The following RNF213 variants were observed in gnomAD, a reference collection of about 807,000 sequenced individuals.
The protein encoded by RNF213 is ring finger protein 213.
Under a neutral mutation model 514.4 loss-of-function variants are expected in RNF213, and 341 were observed. That is an observed-to-expected ratio of 0.66 (90% CI 0.61 to 0.73). RNF213 has a LOEUF of 0.73. Among genes scored for constraint, RNF213 ranks in the 30% least tolerant of loss-of-function variants. RNF213 has a pLI of 0.00. For missense variants in RNF213, 5,767 were observed against 6,615.6 expected (o/e 0.87, Z 4.45); for synonymous variants, 2,655 against 2,658.2 (o/e 1.00, Z 0.04).
rs960605242 is a variant in RNF213 at position 80,383,901 on chromosome 17, G to A, written c.14295G>A (p.Val4765=). 1 of 1,614,164 alleles carries A rather than the reference G, an allele frequency of 6.2e-7. No homozygotes were observed. The highest frequency in any genetic ancestry group is 1.1e-5 in the South Asian group (1 of 91,072). Residue 4765 remains valine (V), a synonymous_variant, in exon 59 of 68, where the codon GTG becomes GTA. Transcript: ENST00000582970. ...IVEQKNGKER[V]PILWHFLQKE... ...AACAGAAAAATGGCAAAGAAAGAGT[G>A]CCCATCCTCTGGCATTTCCTGCAGA...
At position 80,364,359 on chromosome 17, in the gene RNF213, C is replaced by T; in HGVS notation, c.11751-74C>T. On this transcript the variant is annotated intron_variant, in intron 41 of 67. Transcript: ENST00000582970. ...CCGGGTCCCGCATCTCTTCTCCCGT[C>T]TCCCTCCTCGTTTCACCCTTGGGTT... is the stretch of plus-strand genomic sequence containing the variant. 1.9e-6 allele frequency: 3 copies of T among 1,608,946 alleles called. No individual in the cohort carries two copies. The Admixed American group carries it at 5.0e-5, about 27-fold the overall frequency.
At chr17:80,364,651 T>C (rs1180344033) in intron 42 of RNF213, 98 bp downstream of exon 42, 2 of 1,488,420 alleles carry the variant, frequency 1.3e-6, no homozygotes, top group African/African-American at 2.8e-5. Flanking sequence ...GACGCTCTTT[T>C]GGCTCTGACC....
chr17:80,393,472 C>A lies in RNF213; in HGVS notation c.15598C>A (p.Leu5200Met). ...CVSVWKTAAV[L>M]KWNREMR ...CTCAGTGTGGAAAACAGCTGCTGTG[C>A]TGAAATGGAATCGAGAAATGAGATA... The change falls in exon 68 of 68, where the codon CTG (leucine) becomes ATG (methionine). Residue 5200 changes from leucine to methionine, a missense_variant. Coordinates refer to ENST00000582970, the MANE Select transcript of RNF213 (RefSeq NM_001256071.3). The A allele has an allele frequency of 6.2e-7, 1 of 1,614,172 alleles. No homozygotes were observed. The highest frequency in any genetic ancestry group is 8.5e-7 in the Non-Finnish European group (1 of 1,180,032).
intron 17 of RNF213, chr17:80,320,854 G>C (rs773494889): frequency 1.3e-5 from 2 of 152,174 alleles, no homozygotes; most frequent in African/African-American, 4.8e-5. Flanking sequence ...AGGCATGGCC[G>C]GGCACACCTG....
chr17:80,315,577 A>AGGTGGTGGT (rs1430383574), intron 15 of RNF213: 2 of 926 alleles, frequency 2.2e-3, no homozygotes, highest in Non-Finnish European at 2.3e-3. Flanking sequence ...GAGGTAATGG[A>AGGTGGTGGT]GGTGATGGTG....
At chr17:80,374,226 G>A (rs918035644) in intron 49 of RNF213, among the ~76,000 whole-genome samples, 4 of 152,230 alleles carry the variant, frequency 2.6e-5, no homozygotes, top group African/African-American at 9.7e-5. Context: ...ACCTCCCCAG[G>A]TAGCGCTGCC....
At chr17:80,272,234 A>G (rs1233727557) in intron 2 of RNF213, among the ~76,000 whole-genome samples, 1 of 152,314 alleles carries the variant, frequency 6.6e-6, no homozygotes, top group East Asian at 1.9e-4. Flanking sequence ...CAGTGAGCCA[A>G]GATTGTGCCT....
rs1002269284 is a variant in RNF213, at chr17:80,347,378, A to G, written c.9043A>G (p.Met3015Val). ...CAAGTGCTCAGAGGAAGTCAGCCCC[A>G]TGCAGCTGATCAAACAGAACATCTT... ...EAKCSEEVSP[M>V]QLIKQNIFGP... The change falls in exon 29 of 68, where the codon ATG becomes GTG. Residue 3015 changes from methionine to valine, a missense_variant. Physicochemically the swap from Met to Val is conservative, Grantham distance 21. Coordinates refer to ENST00000582970, the MANE Select transcript of RNF213 (RefSeq NM_001256071.3). The surrounding 1 kb of genome is among the most constrained non-coding windows in gnomAD (Gnocchi z 7.2). The G allele has an allele frequency of 1.2e-6, 2 of 1,613,946 alleles. No homozygotes were observed. The highest frequency in any genetic ancestry group is 1.7e-6 in the Non-Finnish European group (2 of 1,180,026).
In RNF213 at chr17:80,307,628, C is replaced by A. The variant is rs143603857; in HGVS notation, c.2501+427C>A. ...GCAATGGCACCATCTTGGCTCACTG[C>A]AACCTCTGCTTCCCAGGTTCAAGTG... On this transcript the variant is annotated intron_variant, in intron 13 of 67. Transcript: ENST00000582970. 5.3e-4 allele frequency among the ~76,000 whole-genome samples: 80 copies of A among 151,096 alleles called. No individual in the cohort carries two copies. In the East Asian group the frequency reaches 0.015, roughly 28 times the overall value.
chr17:80,339,644 A>G lies in RNF213; in HGVS notation c.5277A>G (p.Arg1759=). 6.5e-7 allele frequency: 1 copy of G among 1,537,014 alleles called. No individual in the cohort carries two copies. Among genetic ancestry groups the G allele is most frequent in the Non-Finnish European group, 8.7e-7 (1 of 1,146,842 alleles). ...GSEAARYRMR[R]VMEELPLMLL... is the part of the protein sequence containing the mutation. Reference sequence around the variant, plus strand: ...AGGCCGCCAGGTACCGCATGAGGAGAGTCATGGAAGAGCTCCCGCTGATGC... The same window carrying G: ...AGGCCGCCAGGTACCGCATGAGGAGGGTCATGGAAGAGCTCCCGCTGATGC... The change falls in exon 26 of 68, where the codon AGA becomes AGG. Residue 1759 remains arginine (R), a synonymous_variant. Coordinates refer to ENST00000582970, the MANE Select transcript of RNF213 (RefSeq NM_001256071.3).
At chr17:80,312,775 C>T (rs535567724) in intron 14 of RNF213, among the ~76,000 whole-genome samples, 9 of 152,292 alleles carry the variant, frequency 5.9e-5, no homozygotes, top group South Asian at 4.1e-4. Context: ...ACACAGATGC[C>T]GTTCCCTCCC....
chr17:80,337,238 G>T (rs981380667), intron 23 of RNF213, among the ~76,000 whole-genome samples: 7 of 152,224 alleles, frequency 4.6e-5, no homozygotes, highest in African/African-American at 1.7e-4. Flanking sequence ...TCTGCATTGG[G>T]GACCTGGCAG....
At chr17:80,335,914 T>C (rs904730174) in intron 22 of RNF213, among the ~76,000 whole-genome samples, 1 of 150,622 alleles carries the variant, frequency 6.6e-6, no homozygotes, top group Non-Finnish European at 1.5e-5. Context: ...AAGGTGGAGG[T>C]TGCAGTGAGC....
At chr17:80,342,752 A>G (rs553429843) in intron 26 of RNF213, among the ~76,000 whole-genome samples, 1 of 146,122 alleles carries the variant, frequency 6.8e-6, no homozygotes, top group African/African-American at 2.5e-5. Flanking sequence ...TATTGTATGT[A>G]TATATATATT....
Position 80,346,345 on chromosome 17 carries a change from C to G in RNF213, c.8010C>G (p.Ser2670Arg). 1 of 1,613,686 alleles carries G rather than the reference C, an allele frequency of 6.2e-7. No individual in the cohort carries two copies. Among genetic ancestry groups the G allele is most frequent in the Non-Finnish European group, 8.5e-7 (1 of 1,180,020 alleles). ...TGAATGCCTTTCTCTCCAAGTCCAG[C>G]GTCAGCAAAAATCACACCGAGAGAG... ...AQLNAFLSKSSVSKNHTERDP... is the reference protein window; with the variant it reads ...AQLNAFLSKSRVSKNHTERDP... Residue 2670 changes from serine to arginine, a missense_variant, in exon 29 of 68, where the codon AGC (serine) becomes AGG (arginine). Coordinates refer to ENST00000582970, the MANE Select transcript of RNF213 (RefSeq NM_001256071.3). This position sits in a 1 kb window ranked among gnomAD's most constrained non-coding sequence, Gnocchi z 8.1.
chr17:80,347,973 G>T lies in RNF213; in HGVS notation c.9638G>T (p.Ser3213Ile). The change falls in exon 29 of 68, where the codon AGC becomes ATC. Residue 3213 changes from serine (S) to isoleucine (I), a missense_variant. Around this residue, in one of 13 missense-constraint regions of RNF213, gnomAD observed 919 missense variants for 1,121.0 expected, o/e 0.82. Coordinates refer to ENST00000582970, the MANE Select transcript of RNF213 (RefSeq NM_001256071.3). This position sits in a 1 kb window ranked among gnomAD's most constrained non-coding sequence, Gnocchi z 7.2. Reference protein sequence around the residue: ...AHHFQKRHKYSPSDVFIGYHS... With the variant: ...AHHFQKRHKYIPSDVFIGYHS... ...CATTTCCAGAAGAGGCACAAATACA[G>T]CCCCTCTGACGTCTTCATCGGCTAC... The T allele has an allele frequency of 6.2e-7, 1 of 1,614,104 alleles. No homozygotes were observed. Among genetic ancestry groups the T allele is most frequent in the Non-Finnish European group, 8.5e-7 (1 of 1,179,936 alleles).
intron 3 of RNF213, among the ~76,000 whole-genome samples, chr17:80,287,138 T>C (rs1274821796): frequency 6.6e-6 from 1 of 151,962 alleles, no homozygotes; most frequent in East Asian, 1.9e-4. Context: ...GATGGGAGGA[T>C]TGCCTGAGCC....
In RNF213 at chr17:80,377,452, C is replaced by T. The variant is rs1363087327; in HGVS notation, c.13511-310C>T. Among the ~76,000 whole-genome samples the T allele has an allele frequency of 6.9e-6, 1 of 145,482 alleles. No individual in the cohort carries two copies. The highest frequency in any genetic ancestry group is 2.5e-5 in the African/African-American group (1 of 40,106). ...ATGCTCATGACAAAAAAAAAAAAATCAAGGAAAATAGAAAGGTCTAGAATC... is the reference window on the plus strand; with the variant it reads ...ATGCTCATGACAAAAAAAAAAAAATTAAGGAAAATAGAAAGGTCTAGAATC... On this transcript the variant is annotated intron_variant, in intron 53 of 67. Transcript: ENST00000582970. This position sits in a 1 kb window ranked among gnomAD's most constrained non-coding sequence, Gnocchi z 4.1.
chr17:80,306,465 G>T lies in RNF213; in HGVS notation c.2424G>T (p.Thr808=), dbSNP rs1320889303. The part of the protein sequence containing the change: ...RLPGLEQVLN[T]QDVQDVQNVQ... Reference sequence around the variant, plus strand: ...CGGGACTTGAGCAAGTCTTGAATACGCAGGTTTGTGTCTGAAGTCGGCTCT... The same window carrying T: ...CGGGACTTGAGCAAGTCTTGAATACTCAGGTTTGTGTCTGAAGTCGGCTCT... The change falls in exon 12 of 68, where the codon ACG becomes ACT. Residue 808 remains threonine, a synonymous_variant. Coordinates refer to ENST00000582970, the MANE Select transcript of RNF213 (RefSeq NM_001256071.3). The T allele has an allele frequency of 1.9e-6, 3 of 1,613,916 alleles. No homozygotes were observed. Among genetic ancestry groups the T allele is most frequent in the Non-Finnish European group, 8.5e-7 (1 of 1,179,912 alleles).
Sources: gnomAD v4.1 joint callset for allele counts (sites outside exome capture counted in the v4.1 genomes callset) on GRCh38, gnomAD v4.1.1 for gene constraint, gnomAD v4.1.1 regional missense constraint, Gnocchi (gnomAD v3.1) non-coding constraint, MANE v1.5 for transcripts, NCBI Gene and HGNC (gene_info 2026-07-23, HGNC 2026-07-21) for gene names.